UBXN7: variants seen among roughly 807,000 people sequenced by gnomAD.
UBXN7 encodes UBX domain-containing protein 7.
A neutral mutation model predicts 58.0 loss-of-function variants in UBXN7; 9 were observed. The ratio of observed to expected loss-of-function variants is 0.16; its 90% CI spans 0.09 to 0.27. UBXN7 has a LOEUF of 0.27. Ranked by LOEUF, UBXN7 falls within the 10% of genes least tolerant of loss-of-function variation. The pLI, the probability that UBXN7 is intolerant of heterozygous loss-of-function variation, is 1.00. For synonymous variants in UBXN7, 208 were observed against 205.0 expected, an observed-to-expected ratio of 1.01 and a Z score of -0.12; for missense variants, 328 against 599.6, an observed-to-expected ratio of 0.55 and a Z score of 4.73.
chr3:196,427,308 C>T (rs565121651), intron 1 of UBXN7, among the ~76,000 whole-genome samples: 5 of 152,246 alleles, frequency 3.3e-5, no homozygotes, highest in South Asian at 2.1e-4. Context: ...GCTCTGTGCT[C>T]GCTTCAGCAG....
intron 5 of UBXN7, among the ~76,000 whole-genome samples, chr3:196,373,009 C>T (rs575545653): frequency 3.1e-4 from 47 of 152,300 alleles, no homozygotes; most frequent in Non-Finnish European, 3.1e-4. Context: ...TCTCAGCCTC[C>T]CAAAGTGCTG....
intron 5 of UBXN7, among the ~76,000 whole-genome samples, chr3:196,389,109 G>A (rs1469785677): frequency 2.0e-5 from 3 of 152,070 alleles, no homozygotes; most frequent in South Asian, 2.1e-4. Flanking sequence ...ACTGCATTAC[G>A]TCCTAGAGCA....
chr3:196,414,996 A>G (rs1263824939), intron 1 of UBXN7, among the ~76,000 whole-genome samples: 6 of 152,224 alleles, frequency 3.9e-5, no homozygotes, highest in African/African-American at 1.2e-4. Context: ...ATGTAACTAA[A>G]TACAAATTCT....
At chr3:196,422,878 C>T (rs995721903) in intron 1 of UBXN7, among the ~76,000 whole-genome samples, 1 of 152,142 alleles carries the variant, frequency 6.6e-6, no homozygotes, top group African/African-American at 2.4e-5. Flanking sequence ...AATGCATAAA[C>T]AAACCACAGT....
chr3:196,394,504 G>A (rs1417141186), intron 3 of UBXN7, among the ~76,000 whole-genome samples: 3 of 151,394 alleles, frequency 2.0e-5, no homozygotes. Context: ...TTGGGAAGCT[G>A]AGGCAGGAGA....
intron 4 of UBXN7, 31 bp downstream of exon 4, chr3:196,393,523 G>A: frequency 6.3e-7 from 1 of 1,587,744 alleles, no homozygotes; most frequent in Non-Finnish European, 8.6e-7. Context: ...AAGAGAAGAG[G>A]GAGATGATAA....
At chr3:196,363,323 T>C (rs1728563899) in intron 8 of UBXN7, among the ~76,000 whole-genome samples, 1 of 151,980 alleles carries the variant, frequency 6.6e-6, no homozygotes, top group African/African-American at 2.4e-5. Flanking sequence ...AGGCTGGTCT[T>C]GCACTTCTGG....
At chr3:196,385,696 C>T (rs1036190807) in intron 5 of UBXN7, among the ~76,000 whole-genome samples, 2 of 151,834 alleles carry the variant, frequency 1.3e-5, no homozygotes, top group African/African-American at 2.4e-5. Flanking sequence ...CCAGCAGCCG[C>T]CCCGTCTGGG....
chr3:196,366,512 A>G (rs1319057407), intron 8 of UBXN7, among the ~76,000 whole-genome samples: 4 of 151,924 alleles, frequency 2.6e-5, no homozygotes, highest in African/African-American at 7.3e-5. Context: ...CAGTGAGTTA[A>G]TATCATGCCA....
chr3:196,421,602 C>T (rs1044325659), intron 1 of UBXN7, among the ~76,000 whole-genome samples: 17 of 151,520 alleles, frequency 1.1e-4, no homozygotes, highest in African/African-American at 3.9e-4. Context: ...AAACCCCCCC[C>T]CAGTCTCTAG....
At chr3:196,394,484 T>A (rs1380251562) in intron 3 of UBXN7, among the ~76,000 whole-genome samples, 1 of 150,274 alleles carries the variant, frequency 6.7e-6, no homozygotes, top group Non-Finnish European at 1.5e-5. Flanking sequence ...GCACCTGTAA[T>A]CCTAGCTACT....
At chr3:196,405,941 T>C (rs1000317426) in intron 2 of UBXN7, among the ~76,000 whole-genome samples, 2 of 152,230 alleles carry the variant, frequency 1.3e-5, no homozygotes, top group African/African-American at 4.8e-5. Flanking sequence ...ACATGTTTTA[T>C]ACAATGAGGA....
chr3:196,375,190 C>CAG (rs1352780114), intron 5 of UBXN7, among the ~76,000 whole-genome samples: 1 of 108,820 alleles, frequency 9.2e-6, no homozygotes, highest in African/African-American at 3.2e-5. Flanking sequence ...TTACCACACA[C>CAG]ACACACACAC....
At chr3:196,431,960 A>C in intron 1 of UBXN7, 1 of 426,440 alleles carries the variant, frequency 2.3e-6, no homozygotes, top group Non-Finnish European at 4.5e-6. Context: ...AGAGAAGGGA[A>C]GATGATGAAG....
Position 196,349,256 on chromosome 3 carries a change from T to A in UBXN7, c.*7429A>T, listed in dbSNP as rs1728157352. Reference sequence around the variant, plus strand: ...AAGTAACAAGGCCCAAGACCCCACATGGGTCAGATAAGCAGCCCCTACTAG... The same window carrying A: ...AAGTAACAAGGCCCAAGACCCCACAAGGGTCAGATAAGCAGCCCCTACTAG... On this transcript the variant is annotated 3_prime_UTR_variant, in exon 11 of 11. Transcript: ENST00000296328. 1 of 152,144 alleles carries A rather than the reference T, an allele frequency of 6.6e-6. No individual in the cohort carries two copies. Among genetic ancestry groups the A allele is most frequent in the East Asian group, 1.9e-4 (1 of 5,196 alleles). The allele number at this position is 152,144 out of a possible 1,614,324, so 9.4% of individuals were successfully genotyped here. A position where few individuals can be genotyped will look rare whatever the true frequency, so the allele number is the denominator to read the frequency against.
chr3:196,405,554 G>A (rs147546031), intron 2 of UBXN7, among the ~76,000 whole-genome samples: 6 of 151,486 alleles, frequency 4.0e-5, no homozygotes, highest in East Asian at 3.9e-4. Flanking sequence ...GTTATACCTC[G>A]CTTTACAGTG....
At chr3:196,385,236 G>A (rs1015001936) in intron 5 of UBXN7, among the ~76,000 whole-genome samples, 11 of 152,342 alleles carry the variant, frequency 7.2e-5, no homozygotes, top group South Asian at 6.2e-4. Flanking sequence ...GCTCCTGACC[G>A]TGAGTGATCT....
intron 5 of UBXN7, among the ~76,000 whole-genome samples, chr3:196,389,311 G>T (rs551359307): frequency 2.2e-4 from 33 of 152,180 alleles, no homozygotes; most frequent in Non-Finnish European, 4.6e-4. Context: ...TGACATCTTT[G>T]AGCTTATGAA....
chr3:196,427,572 C>A (rs978635282), intron 1 of UBXN7, among the ~76,000 whole-genome samples: 71 of 152,328 alleles, frequency 4.7e-4, no homozygotes, highest in African/African-American at 1.7e-3. Flanking sequence ...CCCGCCTTGG[C>A]CTCCCAAAGT....
Sources: gnomAD v4.1 joint callset for allele counts (sites outside exome capture counted in the v4.1 genomes callset) on GRCh38, gnomAD v4.1.1 for gene constraint, MANE v1.5 for transcripts, NCBI Gene and HGNC (gene_info 2026-07-23, HGNC 2026-07-21) for gene names.